CCDC146: variants seen among roughly 807,000 people sequenced by gnomAD.
CCDC146 encodes coiled-coil domain containing 146.
In CCDC146, 92 loss-of-function variants were observed where a neutral mutation model predicts 119.3. The observed-to-expected ratio is 0.77, with a 90% CI of 0.65 to 0.92. CCDC146 has a LOEUF of 0.92. Among genes scored for constraint, CCDC146 ranks in the 40% least tolerant of loss-of-function variants. The pLI is 0.00. For synonymous variants in CCDC146, 372 were observed against 371.8 expected (o/e 1.00, Z -0.01); for missense variants, 1,000 against 1,103.0 (o/e 0.91, Z 1.32).
intron 2 of CCDC146, 107 bp from the exon 3 acceptor site, chr7:77,236,840 C>G: frequency 1.2e-6 from 1 of 825,514 alleles, no homozygotes; most frequent in East Asian, 2.6e-5. Context: ...CGTGTATCCT[C>G]TAATGTTTAA....
chr7:77,219,721 G>A (rs931394220), intron 2 of CCDC146, among the ~76,000 whole-genome samples: 11 of 152,170 alleles, frequency 7.2e-5, no homozygotes. Flanking sequence ...TAAACAGAAA[G>A]AGTACAAAAG....
At chr7:77,216,907 T>A (rs888792111) in intron 2 of CCDC146, among the ~76,000 whole-genome samples, 1 of 152,206 alleles carries the variant, frequency 6.6e-6, no homozygotes, top group African/African-American at 2.4e-5. Flanking sequence ...TTTGCAGCCC[T>A]AACAACATTT....
At chr7:77,175,499 G>A (rs1791487060) in intron 2 of CCDC146, among the ~76,000 whole-genome samples, 1 of 150,390 alleles carries the variant, frequency 6.6e-6, no homozygotes, top group African/African-American at 2.5e-5. Context: ...AATCATCATG[G>A]GCAATGATGA....
intron 9 of CCDC146, among the ~76,000 whole-genome samples, chr7:77,271,003 C>T (rs1311415883): frequency 6.6e-6 from 1 of 150,900 alleles, no homozygotes; most frequent in Admixed American, 6.6e-5. Context: ...CATATGGGCA[C>T]CCCCAGCTGC....
intron 1 of CCDC146, among the ~76,000 whole-genome samples, chr7:77,164,356 G>C (rs2117476611): frequency 6.6e-6 from 1 of 152,110 alleles, no homozygotes; most frequent in Non-Finnish European, 1.5e-5. Context: ...GCAATAAACT[G>C]TGATTACCTA....
intron 1 of CCDC146, among the ~76,000 whole-genome samples, chr7:77,159,489 G>A (rs1251418175): frequency 1.3e-5 from 2 of 152,004 alleles, no homozygotes; most frequent in Non-Finnish European, 2.9e-5. Flanking sequence ...GCTGTAAAAT[G>A]TTCCATTGTA....
intron 4 of CCDC146, among the ~76,000 whole-genome samples, chr7:77,242,688 A>G (rs1792872541): frequency 6.6e-6 from 1 of 152,124 alleles, no homozygotes; most frequent in Non-Finnish European, 1.5e-5. Flanking sequence ...GAGAAAGCAA[A>G]ACCGTTTCTC....
chr7:77,250,145 C>T (rs960935601), intron 4 of CCDC146, among the ~76,000 whole-genome samples: 1 of 152,210 alleles, frequency 6.6e-6, no homozygotes, highest in African/African-American at 2.4e-5. Flanking sequence ...TTCACTTACA[C>T]ATGGGCATAC....
chr7:77,199,638 T>C (rs1237864884), intron 2 of CCDC146: 1 of 1,614,224 alleles, frequency 6.2e-7, no homozygotes, highest in Admixed American at 1.7e-5. Context: ...GGCACTCCCC[T>C]GCCTCTTCGC....
chr7:77,289,411 C>G (rs182881870), intron 17 of CCDC146, among the ~76,000 whole-genome samples: 47 of 152,308 alleles, frequency 3.1e-4, no homozygotes, highest in African/African-American at 1.0e-3. Flanking sequence ...TCTCCATTGG[C>G]TTCTTCCTCC....
intron 1 of CCDC146, among the ~76,000 whole-genome samples, chr7:77,124,757 A>G (rs1790669370): frequency 1.3e-5 from 2 of 152,214 alleles, no homozygotes; most frequent in African/African-American, 4.8e-5. Flanking sequence ...CAAAATTTTT[A>G]GAGTTCAATT....
chr7:77,272,700 G>T (rs141301309), intron 9 of CCDC146, among the ~76,000 whole-genome samples: 1 of 152,114 alleles, frequency 6.6e-6, no homozygotes, highest in African/African-American at 2.4e-5. Context: ...CCCATCAGCT[G>T]CCACATGTCC....
At chr7:77,269,059 A>G (rs1401346111) in intron 9 of CCDC146, among the ~76,000 whole-genome samples, 1 of 152,098 alleles carries the variant, frequency 6.6e-6, no homozygotes, top group African/African-American at 2.4e-5. Flanking sequence ...GGATTATTTA[A>G]TTTTGTCCAT....
rs76425011 is a variant in CCDC146, at chr7:77,218,903, A to G, written c.157-18044A>G. On this transcript the variant is annotated intron_variant, in intron 2 of 18. Transcript: ENST00000285871. Reference sequence around the variant, plus strand: ...TTTGAGTGTTGCCAATGAATTCTCTATTTTTTAAAAAAACTTGTGCACACT... The same window carrying G: ...TTTGAGTGTTGCCAATGAATTCTCTGTTTTTTAAAAAAACTTGTGCACACT... 4.1e-3 allele frequency among the ~76,000 whole-genome samples: 616 copies of G among 152,022 alleles called. 3 individuals carry two copies. Among genetic ancestry groups the G allele is most frequent in the Middle Eastern group, 6.8e-3 (2 of 294 alleles).
intron 2 of CCDC146, among the ~76,000 whole-genome samples, chr7:77,188,030 A>G (rs1791699430): frequency 6.6e-6 from 1 of 152,170 alleles, no homozygotes; most frequent in African/African-American, 2.4e-5. Flanking sequence ...CCGAGCTGTA[A>G]CCAGTCTTTT....
chr7:77,125,514 A>G (rs1790679975), intron 1 of CCDC146, among the ~76,000 whole-genome samples: 3 of 151,842 alleles, frequency 2.0e-5, no homozygotes, highest in Admixed American at 2.0e-4. Context: ...AATATATTAC[A>G]TTTATAAGAA....
intron 12 of CCDC146, 40 bp downstream of exon 12, chr7:77,278,880 G>C: frequency 1.3e-6 from 2 of 1,593,844 alleles, no homozygotes; most frequent in Non-Finnish European, 1.7e-6. Flanking sequence ...GTAGGTGAGG[G>C]GAAAAAAACC....
At chr7:77,289,955 C>T (rs1168369541) in intron 17 of CCDC146, among the ~76,000 whole-genome samples, 1 of 152,134 alleles carries the variant, frequency 6.6e-6, no homozygotes, top group Admixed American at 6.5e-5. Context: ...ATGTTTATTG[C>T]CACACTATTC....
intron 2 of CCDC146, among the ~76,000 whole-genome samples, chr7:77,209,169 C>T (rs1192165179): frequency 1.3e-5 from 2 of 152,210 alleles, no homozygotes; most frequent in Non-Finnish European, 2.9e-5. Context: ...CAAGTTCCTT[C>T]CACCTATGAG....
Sources: gnomAD v4.1 joint callset for allele counts (sites outside exome capture counted in the v4.1 genomes callset) on GRCh38, gnomAD v4.1.1 for gene constraint, MANE v1.5 for transcripts, NCBI Gene and HGNC (gene_info 2026-07-23, HGNC 2026-07-21) for gene names.